Variants in CCNY observed in about 807,000 individuals in gnomAD.
The protein encoded by CCNY is cyclin-Y.
CCNY carries 19 observed loss-of-function variants against 42.8 expected under a neutral mutation model. That is an observed-to-expected ratio of 0.44 (90% CI 0.31 to 0.65). The LOEUF is 0.65. Ranked by LOEUF, CCNY falls within the 30% of genes least tolerant of loss-of-function variation. The pLI, the probability that CCNY is intolerant of heterozygous loss-of-function variation, is 0.07. For missense variants in CCNY, 370 were observed against 437.3 expected, an observed-to-expected ratio of 0.85 and a Z score of 1.37; for synonymous variants, 165 against 162.7, an observed-to-expected ratio of 1.01 and a Z score of -0.11.
chr10:35,386,217 A>G (rs1837297470), intron 1 of CCNY, among the ~76,000 whole-genome samples: 2 of 152,176 alleles, frequency 1.3e-5, no homozygotes, highest in African/African-American at 4.8e-5. Flanking sequence ...TCTTTTTTAA[A>G]TCTTCGTATC....
intron 1 of CCNY, among the ~76,000 whole-genome samples, chr10:35,411,780 A>G (rs970363613): frequency 5.9e-5 from 9 of 152,188 alleles, no homozygotes; most frequent in Admixed American, 5.2e-4. Context: ...GGCCATATCT[A>G]TTGTATTTAG....
intron 1 of CCNY, among the ~76,000 whole-genome samples, chr10:35,433,859 T>C (rs1355784144): frequency 6.6e-6 from 1 of 152,224 alleles, no homozygotes; most frequent in Non-Finnish European, 1.5e-5. Context: ...TCCTTCTGCC[T>C]TGGCCTCCTC....
intron 1 of CCNY, among the ~76,000 whole-genome samples, chr10:35,408,996 TTTTG>T (rs1837845106): frequency 6.6e-6 from 1 of 152,112 alleles, no homozygotes; most frequent in Non-Finnish European, 1.5e-5. Flanking sequence ...AAAAGAGTTA[TTTTG>T]TCTTGACCCA....
intron 1 of CCNY, among the ~76,000 whole-genome samples, chr10:35,350,768 A>G (rs2135136982): frequency 2.6e-5 from 4 of 152,326 alleles, no homozygotes; most frequent in Admixed American, 2.6e-4. Context: ...TCCATTAGTC[A>G]GGTGCACTGC....
At chr10:35,461,660 C>T (rs1839160572) in intron 1 of CCNY, among the ~76,000 whole-genome samples, 1 of 152,160 alleles carries the variant, frequency 6.6e-6, no homozygotes, top group South Asian at 2.1e-4. Flanking sequence ...TCTTGGGGAT[C>T]TTTTTCAGAA....
At chr10:35,473,025 T>A (rs1839421507) in intron 1 of CCNY, among the ~76,000 whole-genome samples, 1 of 152,248 alleles carries the variant, frequency 6.6e-6, no homozygotes, top group South Asian at 2.1e-4. Context: ...TATTTTTGAC[T>A]CAAAAAATTA....
chr10:35,267,891 T>C (rs2095727218), intron 3 of CCNY, among the ~76,000 whole-genome samples: 1 of 152,168 alleles, frequency 6.6e-6, no homozygotes, highest in Admixed American at 6.6e-5. Context: ...GATGGGGTGT[T>C]GTTGATGGCT....
At chr10:35,255,408 C>T (rs779866548) in intron 3 of CCNY, among the ~76,000 whole-genome samples, 1 of 151,572 alleles carries the variant, frequency 6.6e-6, no homozygotes, top group South Asian at 2.1e-4. Flanking sequence ...TCAACCTCCA[C>T]CTCCCAGGTT....
intron 3 of CCNY, among the ~76,000 whole-genome samples, chr10:35,259,525 CAG>C (rs1355322842): frequency 1.2e-5 from 1 of 81,818 alleles, no homozygotes; most frequent in Non-Finnish European, 2.2e-5. Flanking sequence ...TTTTTTGAGA[CAG>C]AGTCTTGCTC....
chr10:35,518,532 A>T (rs1589174478), intron 4 of CCNY, among the ~76,000 whole-genome samples: 5 of 119,422 alleles, frequency 4.2e-5, no homozygotes, highest in African/African-American at 7.1e-5. Flanking sequence ...GGCTGAGGTA[A>T]ATTGTGAGTA....
intron 1 of CCNY, among the ~76,000 whole-genome samples, chr10:35,415,394 G>T (rs895247596): frequency 1.3e-5 from 2 of 152,092 alleles, no homozygotes; most frequent in Non-Finnish European, 2.9e-5. Flanking sequence ...GAAGGGCTTT[G>T]TTGGCCCTCA....
intron 3 of CCNY, among the ~76,000 whole-genome samples, chr10:35,253,103 A>T (rs1404780665): frequency 2.6e-5 from 4 of 152,226 alleles, no homozygotes; most frequent in Non-Finnish European, 4.4e-5. Flanking sequence ...TTCACTGCTG[A>T]CACTATTGGT....
At chr10:35,545,092 G>A (rs1031516593) in intron 7 of CCNY, among the ~76,000 whole-genome samples, 1 of 152,172 alleles carries the variant, frequency 6.6e-6, no homozygotes, top group Admixed American at 6.5e-5. Context: ...GAAATGAGGG[G>A]CTGGGGCCTT....
At chr10:35,300,318 C>T (rs1034867513) in intron 3 of CCNY, among the ~76,000 whole-genome samples, 11 of 152,126 alleles carry the variant, frequency 7.2e-5, no homozygotes, top group African/African-American at 2.7e-4. Flanking sequence ...TGAGATGCCA[C>T]GCCCTGCCTG....
intron 3 of CCNY, among the ~76,000 whole-genome samples, chr10:35,272,727 A>G (rs1035099246): frequency 1.3e-5 from 2 of 152,146 alleles, no homozygotes; most frequent in African/African-American, 2.4e-5. Flanking sequence ...GCTGCAATGA[A>G]CATATGTGTG....
chr10:35,262,160 G>A (rs2095720210), intron 3 of CCNY, among the ~76,000 whole-genome samples: 1 of 149,086 alleles, frequency 6.7e-6, no homozygotes, highest in Non-Finnish European at 1.5e-5. Context: ...TACTTGGGAA[G>A]CTGAAACAGA....
At position 35,270,899 on chromosome 10, in the gene CCNY, GTATTTT is replaced by G. The variant is rs1835156900; in HGVS notation, c.-9+20276_-9+20281del. 2.6e-5 allele frequency among the ~76,000 whole-genome samples: 4 copies of G among 151,696 alleles called. No individual in the cohort carries two copies. In the South Asian group the frequency reaches 8.3e-4, roughly 32 times the overall value. ...CGCCACCACACCCGGCTAATTTTTT[GTATTTT>G]TAGTAGAAACGGGGCTTCACCGTGT... On this transcript the variant is annotated intron_variant, in intron 3 of 11. Transcript: ENST00000374706.
chr10:35,413,235 G>A (rs971138138), intron 1 of CCNY, among the ~76,000 whole-genome samples: 1 of 152,150 alleles, frequency 6.6e-6, no homozygotes, highest in African/African-American at 2.4e-5. Context: ...GTAGGAAAAG[G>A]TCGGACACAT....
chr10:35,293,069 C>T (rs962597752), intron 3 of CCNY, among the ~76,000 whole-genome samples: 2 of 152,124 alleles, frequency 1.3e-5, no homozygotes, highest in African/African-American at 2.4e-5. Flanking sequence ...TGTGAGCCAC[C>T]GTGCCCGGCC....
Sources: gnomAD v4.1 joint callset for allele counts (sites outside exome capture counted in the v4.1 genomes callset) on GRCh38, gnomAD v4.1.1 for gene constraint, MANE v1.5 for transcripts, NCBI Gene and HGNC (gene_info 2026-07-23, HGNC 2026-07-21) for gene names.